The following TLE3 variants were observed in gnomAD, a reference collection of about 807,000 sequenced individuals.
TLE3 encodes transducin-like enhancer protein 3.
In TLE3, 14 loss-of-function variants were observed where a neutral mutation model predicts 93.0. The observed-to-expected ratio is 0.15, with a 90% CI of 0.10 to 0.24. The LOEUF (loss-of-function observed/expected upper bound fraction) is 0.24, where lower values mean the gene tolerates loss of function less well. Among genes scored for constraint, TLE3 ranks in the 10% least tolerant of loss-of-function variants. TLE3 has a pLI of 1.00. For synonymous variants in TLE3, 451 were observed against 425.0 expected (o/e 1.06, Z -0.75); for missense variants, 693 against 1,046.6 (o/e 0.66, Z 4.66).
At position 70,058,850 on chromosome 15, in the gene TLE3, G is replaced by A; in HGVS notation, c.766-35C>T. ...CAAGTGATGCAGAGATGCACTGAAA[G>A]CAACAGCCAGCCTCGAGGCTTCCCT... On this transcript the variant is annotated intron_variant, in intron 10 of 19. Transcript: ENST00000451782. The surrounding 1 kb of genome is among the most constrained non-coding windows in gnomAD (Gnocchi z 4.1). The A allele has an allele frequency of 6.6e-7, 1 of 1,518,002 alleles. No homozygotes were observed. The highest frequency in any genetic ancestry group is 8.8e-7 in the Non-Finnish European group (1 of 1,134,694). 94.0% of individuals were successfully genotyped at this position (1,518,002 alleles called of 1,614,324 possible).
rs2058606718 is a variant in TLE3 at position 70,097,190 on chromosome 15, C to A, written c.-392G>T. The A allele has an allele frequency of 4.9e-6, 2 of 411,552 alleles. No individual in the cohort carries two copies. Among genetic ancestry groups the A allele is most frequent in the Non-Finnish European group, 8.5e-6 (2 of 236,474 alleles). 25.5% of individuals were successfully genotyped at this position (411,552 alleles called of 1,614,324 possible). A position where few individuals can be genotyped will look rare whatever the true frequency, so the allele number is the denominator to read the frequency against. ...CCGAGGCCGGGGGCCCCTCCTGGGG[C>A]GAGCTCGGGCCCCCTCCGGGTCACT... On this transcript the variant is annotated 5_prime_UTR_variant, in exon 1 of 20. Transcript: ENST00000451782.
In TLE3 at chr15:70,055,073, G is replaced by A. The variant is rs754878560; in HGVS notation, c.1554C>T (p.Ser518=). ...IWDISQPGSK[S]PISQLDCLNR... Reference sequence around the variant, plus strand: ...CCAGGCAGTCCAGCTGGGAGATGGGGCTCTTGCTGCCTGGCTGGCTGATGT... The same window carrying A: ...CCAGGCAGTCCAGCTGGGAGATGGGACTCTTGCTGCCTGGCTGGCTGATGT... The change falls in exon 15 of 20, where the codon AGC becomes AGT. Residue 518 remains serine (S), a synonymous_variant. Coordinates refer to ENST00000451782, the MANE Select transcript of TLE3 (RefSeq NM_001105192.3). 135 of 1,612,908 alleles carry A rather than the reference G, an allele frequency of 8.4e-5. 3 individuals are homozygous for A. In the South Asian group the frequency reaches 1.4e-3, roughly 17 times the overall value.
chr15:70,062,024 TG>T (rs1320507597), intron 8 of TLE3, among the ~76,000 whole-genome samples: 3 of 152,178 alleles, frequency 2.0e-5, no homozygotes, highest in Non-Finnish European at 4.4e-5. Context: ...GGAACGGGGC[TG>T]GGCAGTATTC....
chr15:70,059,512 C>G, intron 9 of TLE3, 52 bp from the exon 10 acceptor site: 1 of 1,560,498 alleles, frequency 6.4e-7, no homozygotes, highest in African/African-American at 1.4e-5. Context: ...ACTTTCCCCA[C>G]CCCTGACTGA....
chr15:70,088,422 T>TAA (rs2058136579), intron 4 of TLE3, among the ~76,000 whole-genome samples: 1 of 152,228 alleles, frequency 6.6e-6, no homozygotes, highest in Non-Finnish European at 1.5e-5. Context: ...GAATTTTTTT[T>TAA]AAATATGTAT....
intron 9 of TLE3, among the ~76,000 whole-genome samples, chr15:70,059,963 G>A (rs1463436994): frequency 6.6e-6 from 1 of 152,190 alleles, no homozygotes; most frequent in Non-Finnish European, 1.5e-5. Context: ...GGCTGAAGAG[G>A]GCTGGGTGCA....
chr15:70,088,419 T>G (rs1361456333), intron 4 of TLE3, among the ~76,000 whole-genome samples: 1 of 152,252 alleles, frequency 6.6e-6, no homozygotes, highest in Non-Finnish European at 1.5e-5. Context: ...AAAGAATTTT[T>G]TTTAAATATG....
At chr15:70,096,403 C>G (rs1376496310) in intron 1 of TLE3, 142 bp from the exon 2 acceptor site, 1 of 1,424,606 alleles carries the variant, frequency 7.0e-7, no homozygotes, top group African/African-American at 1.4e-5. Context: ...CTCAGCTCTC[C>G]GACGGGGCGG....
At chr15:70,087,908 CT>C (rs1450010836) in intron 4 of TLE3, among the ~76,000 whole-genome samples, 3 of 152,218 alleles carry the variant, frequency 2.0e-5, no homozygotes, top group Non-Finnish European at 2.9e-5. Flanking sequence ...GCCGGGCCCC[CT>C]GGTTAACCCT....
chr15:70,060,668 T>C lies in TLE3; in HGVS notation c.595-19A>G, dbSNP rs1595889913. On this transcript the variant is annotated intron_variant, in intron 8 of 19. Transcript: ENST00000451782. ...AGTTATTCTGGAAGGAAAAAGAGGG[T>C]TCGGGGTTAAAACTTTCTGCTGCGT... is the stretch of plus-strand genomic sequence containing the variant. 3.1e-6 allele frequency: 5 copies of C among 1,612,718 alleles called. No individual in the cohort carries two copies. The highest frequency in any genetic ancestry group is 2.7e-5 in the African/African-American group (2 of 74,978).
Position 70,054,700 on chromosome 15 carries a change from G to A in TLE3, c.1579-15C>T, listed in dbSNP as rs2055854387. On this transcript the variant is annotated splice_polypyrimidine_tract_variant and intron_variant, in intron 15 of 19. Transcript: ENST00000451782. ...TTGTCCCTGTTCTGGAGGGAGAAGG[G>A]GCAGGGCTGAGTGCTGCCTACTTCC... 1 of 1,566,658 alleles carries A rather than the reference G, an allele frequency of 6.4e-7. No homozygotes were observed.
chr15:70,085,334 C>T (rs901952617), intron 4 of TLE3, among the ~76,000 whole-genome samples: 1 of 152,202 alleles, frequency 6.6e-6, no homozygotes, highest in Non-Finnish European at 1.5e-5. Context: ...CTATACCTAA[C>T]TCTCCAGGAT....
chr15:70,077,062 T>C (rs2057483016), intron 4 of TLE3, among the ~76,000 whole-genome samples: 1 of 152,208 alleles, frequency 6.6e-6, no homozygotes, highest in South Asian at 2.1e-4. Flanking sequence ...TCTAAGAAGC[T>C]GCTCAGAGAT....
At chr15:70,082,570 T>C (rs747474699) in intron 4 of TLE3, among the ~76,000 whole-genome samples, 1 of 152,180 alleles carries the variant, frequency 6.6e-6, no homozygotes, top group Non-Finnish European at 1.5e-5. Context: ...AGCACTGACA[T>C]ATTGATCAAA....
rs1017824084 is a variant in TLE3 at position 70,058,882 on chromosome 15, G to C, written c.766-67C>G. On this transcript the variant is annotated intron_variant, in intron 10 of 19. Coordinates refer to ENST00000451782, the MANE Select transcript of TLE3 (RefSeq NM_001105192.3). The surrounding 1 kb of genome is among the most constrained non-coding windows in gnomAD (Gnocchi z 4.1). Reference sequence around the variant, plus strand: ...CCAGCCTCGAGGCTTCCCTGCTCTGGGAGTGGGAAGAGAGAGGGCATGGGC... The same window carrying C: ...CCAGCCTCGAGGCTTCCCTGCTCTGCGAGTGGGAAGAGAGAGGGCATGGGC... The C allele has an allele frequency of 1.6e-5, 24 of 1,472,042 alleles. No individual in the cohort carries two copies. Among genetic ancestry groups the C allele is most frequent in the Middle Eastern group, 1.8e-4 (1 of 5,526 alleles). The allele number at this position is 1,472,042 out of a possible 1,614,324, so 91.2% of individuals were successfully genotyped here. A position where few individuals can be genotyped will look rare whatever the true frequency, so the allele number is the denominator to read the frequency against.
In TLE3 at chr15:70,049,870, A is replaced by T. The variant is rs181901383; in HGVS notation, c.*227T>A. ...GCAACTGCCAGCATTGTTCAGGGGG[A>T]GGAGGAGGAGCAGAACCCTTCCGAG... On this transcript the variant is annotated 3_prime_UTR_variant, in exon 20 of 20. Coordinates refer to ENST00000451782, the MANE Select transcript of TLE3 (RefSeq NM_001105192.3). 1 of 469,864 alleles carries T rather than the reference A, an allele frequency of 2.1e-6. No individual in the cohort carries two copies. The highest frequency in any genetic ancestry group is 3.5e-5 in the East Asian group (1 of 28,736). The allele number at this position is 469,864 out of a possible 1,614,324, so 29.1% of individuals were successfully genotyped here. A position where few individuals can be genotyped will look rare whatever the true frequency, so the allele number is the denominator to read the frequency against.
chr15:70,095,426 AG>A (rs2058506355), intron 3 of TLE3, 151 bp downstream of exon 3: 1 of 1,501,534 alleles, frequency 6.7e-7, no homozygotes, highest in East Asian at 2.5e-5. Flanking sequence ...AAGCTGGGGA[AG>A]GGGAGGGCAA....
rs186389024 is a variant in TLE3 at position 70,063,017 on chromosome 15, T to C, written c.594+1437A>G. Among the ~76,000 whole-genome samples the C allele has an allele frequency of 2.9e-3, 448 of 152,318 alleles. 4 individuals are homozygous for C. The highest frequency in any genetic ancestry group is 0.01 in the African/African-American group (432 of 41,580). On this transcript the variant is annotated intron_variant, in intron 8 of 19. Coordinates refer to ENST00000451782, the MANE Select transcript of TLE3 (RefSeq NM_001105192.3). ...GGGATGAGGATGAGGTAAAGACTCA[T>C]GCTCTTTAGAGAGTGCTGGGCTTCC...
chr15:70,051,333 A>T, intron 19 of TLE3, 58 bp downstream of exon 19: 1 of 1,516,102 alleles, frequency 6.6e-7, no homozygotes, highest in Admixed American at 2.0e-5. Context: ...TCCCATCACC[A>T]TCACCAAGTT....
Sources: allele counts gnomAD v4.1 joint callset (sites outside exome capture counted in the v4.1 genomes callset), GRCh38; gene constraint gnomAD v4.1.1; non-coding constraint Gnocchi (gnomAD v3.1); transcripts MANE v1.5; gene names NCBI Gene and HGNC (gene_info 2026-07-23, HGNC 2026-07-21).